FOXN3: variants seen among roughly 807,000 people sequenced by gnomAD.
FOXN3 encodes the protein forkhead box protein N3.
In FOXN3, 7 loss-of-function variants were observed where a neutral mutation model predicts 38.4. The observed-to-expected ratio is 0.18, with a 90% CI of 0.10 to 0.34. The LOEUF is 0.34. Among genes scored for constraint, FOXN3 ranks in the 10% least tolerant of loss-of-function variants. The pLI is 1.00. For synonymous variants in FOXN3, 230 were observed against 242.2 expected (o/e 0.95, Z 0.47); for missense variants, 456 against 613.4 (o/e 0.74, Z 2.71).
Position 89,210,485 on chromosome 14 carries a change from G to A in FOXN3, c.746-29679C>T, listed in dbSNP as rs115432889. On this transcript the variant is annotated intron_variant, in intron 4 of 5. Coordinates refer to ENST00000557258, the MANE Select transcript of FOXN3 (RefSeq NM_005197.4). The stretch of plus-strand genomic sequence containing the variant: ...CTCAGGTATTTCTTTACAGCAATGC[G>A]AGAATGGACTAAGACACATACTGTT... Among the ~76,000 whole-genome samples the A allele has an allele frequency of 3.3e-3, 507 of 152,206 alleles. 4 individuals carry two copies. The highest frequency in any genetic ancestry group is 0.012 in the African/African-American group (485 of 41,528).
At chr14:89,400,698 G>T (rs1454947737) in intron 2 of FOXN3, among the ~76,000 whole-genome samples, 1 of 152,020 alleles carries the variant, frequency 6.6e-6, no homozygotes, top group Non-Finnish European at 1.5e-5. Flanking sequence ...CTGTTCCTTG[G>T]ACATTTTGAG....
chr14:89,513,165 A>AAG (rs1432354055), intron 1 of FOXN3, among the ~76,000 whole-genome samples: 7 of 150,828 alleles, frequency 4.6e-5, no homozygotes, highest in African/African-American at 1.7e-4. Context: ...AAAAAAAAAA[A>AAG]AAAAGAAAAA....
intron 4 of FOXN3, among the ~76,000 whole-genome samples, chr14:89,270,959 G>A (rs879770832): frequency 2.6e-5 from 4 of 152,160 alleles, no homozygotes; most frequent in Non-Finnish European, 4.4e-5. Context: ...GGGATGGCAG[G>A]AGAGATTCAT....
At chr14:89,358,138 T>C (rs1889310519) in intron 2 of FOXN3, among the ~76,000 whole-genome samples, 1 of 152,208 alleles carries the variant, frequency 6.6e-6, no homozygotes, top group Admixed American at 6.5e-5. Flanking sequence ...ATGGTCTCTG[T>C]TGCAACAACC....
At chr14:89,249,654 T>C (rs1334321900) in intron 4 of FOXN3, among the ~76,000 whole-genome samples, 1 of 152,194 alleles carries the variant, frequency 6.6e-6, no homozygotes, top group African/African-American at 2.4e-5. Context: ...CTCTTGGCTG[T>C]AGAGGAAGGT....
chr14:89,606,572 G>A (rs376149858), intron 1 of FOXN3, among the ~76,000 whole-genome samples: 3 of 152,274 alleles, frequency 2.0e-5, no homozygotes, highest in East Asian at 3.9e-4. Flanking sequence ...AACTGTAGCC[G>A]GGCGCAGTGG....
chr14:89,527,751 G>A (rs1894461862), intron 1 of FOXN3, among the ~76,000 whole-genome samples: 1 of 150,046 alleles, frequency 6.7e-6, no homozygotes, highest in Non-Finnish European at 1.5e-5. Context: ...GCTCGGGCTG[G>A]AGTGCAGTGG....
At chr14:89,505,300 CCCCACGGTCT>C (rs1485107149) in intron 1 of FOXN3, among the ~76,000 whole-genome samples, 1 of 146,936 alleles carries the variant, frequency 6.8e-6, no homozygotes, top group East Asian at 2.2e-4. Flanking sequence ...CTCCCCCTCT[CCCCACGGTCT>C]CCCTCTGATG....
intron 3 of FOXN3, among the ~76,000 whole-genome samples, chr14:89,313,677 GA>G (rs150355580): frequency 0.23 from 35,681 of 151,984 alleles, 4,689 homozygotes; most frequent in African/African-American, 0.35. Flanking sequence ...CATGTGAAAA[GA>G]TATTCCAATA....
rs113510248 is a variant in FOXN3, at chr14:89,396,880, CT to C, written c.543+15053del. Among the ~76,000 whole-genome samples the C allele has an allele frequency of 4.6e-4, 65 of 140,644 alleles. 1 individual carries two copies. The highest frequency in any genetic ancestry group is 5.3e-4 in the African/African-American group (20 of 37,850). 92.3% of individuals were successfully genotyped at this position (140,644 alleles called of 152,430 possible). A position where few individuals can be genotyped will look rare whatever the true frequency, so the allele number is the denominator to read the frequency against. ...AAAATGAGAAATATGCTGCAGTAGACTTTTTTTTTTTTCCTTATTTGTTAGT... is the reference window on the plus strand; with the variant it reads ...AAAATGAGAAATATGCTGCAGTAGACTTTTTTTTTTTCCTTATTTGTTAGT... On this transcript the variant is annotated intron_variant, in intron 2 of 5. Transcript: ENST00000557258.
chr14:89,172,532 G>A (rs1395359427), intron 5 of FOXN3, among the ~76,000 whole-genome samples: 5 of 152,096 alleles, frequency 3.3e-5, no homozygotes, highest in East Asian at 1.9e-4. Flanking sequence ...AAGTTTATAC[G>A]CAACTGCAAA....
At chr14:89,429,707 A>T (rs1486161606) in intron 1 of FOXN3, among the ~76,000 whole-genome samples, 4 of 152,216 alleles carry the variant, frequency 2.6e-5, no homozygotes, top group Non-Finnish European at 4.4e-5. Context: ...ACAACTGCCA[A>T]ACTGTCATTT....
In FOXN3 at chr14:89,570,167, T is replaced by C. The variant is rs12435815; in HGVS notation, c.-15+48861A>G. On this transcript the variant is annotated intron_variant, in intron 1 of 6. Coordinates refer to the FOXN3 transcript ENST00000345097. ...GGTGCATGCCACCACGCCCGGCTAA[T>C]TTTTTGTATTTTTAGTAGAGACAAG... 3.1e-3 allele frequency among the ~76,000 whole-genome samples: 476 copies of C among 152,050 alleles called. 2 individuals carry two copies. Among genetic ancestry groups the C allele is most frequent in the African/African-American group, 0.011 (437 of 41,482 alleles).
intron 3 of FOXN3, among the ~76,000 whole-genome samples, chr14:89,288,191 G>C (rs1467456477): frequency 6.6e-6 from 1 of 152,158 alleles, no homozygotes; most frequent in Non-Finnish European, 1.5e-5. Context: ...GATGACAATT[G>C]CTGAGGAGGC....
chr14:89,266,470 T>C (rs1885982310), intron 4 of FOXN3, among the ~76,000 whole-genome samples: 1 of 152,032 alleles, frequency 6.6e-6, no homozygotes, highest in South Asian at 2.1e-4. Context: ...CTTCAACATA[T>C]AAATTTTGGA....
intron 1 of FOXN3, among the ~76,000 whole-genome samples, chr14:89,609,124 A>T (rs573853317): frequency 2.0e-5 from 3 of 152,218 alleles, no homozygotes; most frequent in Non-Finnish European, 4.4e-5. Context: ...GAGCAGTTTA[A>T]TAAGTGGGGC....
At chr14:89,380,913 G>A (rs534791372) in intron 2 of FOXN3, among the ~76,000 whole-genome samples, 18 of 151,898 alleles carry the variant, frequency 1.2e-4, no homozygotes, top group African/African-American at 2.2e-4. Flanking sequence ...AGGCTGAGGC[G>A]GATGGATCAC....
chr14:89,174,571 G>T (rs1887471046), intron 5 of FOXN3, among the ~76,000 whole-genome samples: 2 of 152,130 alleles, frequency 1.3e-5, no homozygotes, highest in South Asian at 4.2e-4. Flanking sequence ...AGGATTTCTA[G>T]GTACAACATG....
Position 89,285,863 on chromosome 14 carries a change from AT to A in FOXN3, c.681-4850del, listed in dbSNP as rs34767285. Among the ~76,000 whole-genome samples, 900 of 145,966 alleles carry A rather than the reference AT, an allele frequency of 6.2e-3. 4 individuals are homozygous for A. Among genetic ancestry groups the A allele is most frequent in the African/African-American group, 0.017 (676 of 39,106 alleles). On this transcript the variant is annotated intron_variant, in intron 3 of 5. Transcript: ENST00000557258. ...GTAAATTATATGTATTTTACCAAAA[AT>A]TTTTTTTTTTTTTTTTTTTGACAAC... is the stretch of plus-strand genomic sequence containing the variant.
Sources: allele counts gnomAD v4.1 joint callset (sites outside exome capture counted in the v4.1 genomes callset), GRCh38; gene constraint gnomAD v4.1.1; transcripts MANE v1.5; gene names NCBI Gene and HGNC (gene_info 2026-07-23, HGNC 2026-07-21).